RAB25: variants seen among roughly 807,000 people sequenced by gnomAD.
RAB25 encodes the protein RAB25, member RAS oncogene family, also known as ras-related protein Rab-25.
RAB25 carries 23 observed loss-of-function variants against 25.2 expected under a neutral mutation model. The ratio of observed to expected loss-of-function variants is 0.91; its 90% CI spans 0.66 to 1.29. RAB25 has a LOEUF of 1.29. RAB25 is among the 50% of genes most tolerant of loss of function. The pLI, the probability that RAB25 is intolerant of heterozygous loss-of-function variation, is 0.00. For synonymous variants in RAB25, 102 were observed against 111.5 expected (o/e 0.91, Z 0.54); for missense variants, 244 against 277.3 (o/e 0.88, Z 0.85).
At position 156,070,086 on chromosome 1, in the gene RAB25, G is replaced by A. The variant is rs565431691; in HGVS notation, c.515-74G>A. ...CATGCTCAGAAGGGGCATGCAGTATGTATGGGGGGGTTGGGGAGAAGGGAG... is the reference window on the plus strand; with the variant it reads ...CATGCTCAGAAGGGGCATGCAGTATATATGGGGGGGTTGGGGAGAAGGGAG... On this transcript the variant is annotated intron_variant, in intron 4 of 4. Coordinates refer to ENST00000361084, the MANE Select transcript of RAB25 (RefSeq NM_020387.4). The A allele has an allele frequency of 2.7e-4, 434 of 1,610,712 alleles. 3 individuals carry two copies. The African/African-American group carries it at 4.6e-3, about 17-fold the overall frequency.
chr1:156,061,566 C>G lies in RAB25; in HGVS notation c.43+123C>G, dbSNP rs944131479. On this transcript the variant is annotated intron_variant, in intron 1 of 4. Transcript: ENST00000361084. ...CAAGACCTCCTGGGGCTCCTCATTC[C>G]TTCAGAAAGAAAGCTGCAGGGAGTG... 4 of 1,048,918 alleles carry G rather than the reference C, an allele frequency of 3.8e-6. No homozygotes were observed. The African/African-American group carries it at 4.8e-5, about 13-fold the overall frequency. The allele number at this position is 1,048,918 out of a possible 1,614,324, so 65.0% of individuals were successfully genotyped here.
chr1:156,070,263 G>A lies in RAB25; in HGVS notation c.618G>A (p.Lys206=), dbSNP rs1271531296. The A allele has an allele frequency of 6.2e-7, 1 of 1,614,036 alleles. No individual in the cohort carries two copies. The highest frequency in any genetic ancestry group is 8.5e-7 in the Non-Finnish European group (1 of 1,179,984). The change falls in exon 5 of 5, where the codon AAG becomes AAA. Residue 206 remains lysine, a synonymous_variant. Coordinates refer to ENST00000361084, the MANE Select transcript of RAB25 (RefSeq NM_020387.4). ...GACAGGAGCCTGGCCCTGGGGAGAA[G>A]AGGGCCTGTTGCATCAGCCTCTGAC... The part of the protein sequence containing the change: ...QAGQEPGPGE[K]RACCISL
At position 156,063,077 on chromosome 1, in the gene RAB25, G is replaced by A. The variant is rs139952263; in HGVS notation, c.43+1634G>A. Among the ~76,000 whole-genome samples the A allele has an allele frequency of 6.5e-3, 911 of 139,460 alleles. 5 individuals carry two copies. The highest frequency in any genetic ancestry group is 0.01 in the Non-Finnish European group (675 of 64,716). 91.5% of individuals were successfully genotyped at this position (139,460 alleles called of 152,430 possible). On this transcript the variant is annotated intron_variant, in intron 1 of 4. Transcript: ENST00000361084. Reference sequence around the variant, plus strand: ...TAAAAAAAAAAAAAAAAAAAAAAAAGTATTGAGGGTTGGGTTGGGGTCCCT... The same window carrying A: ...TAAAAAAAAAAAAAAAAAAAAAAAAATATTGAGGGTTGGGTTGGGGTCCCT...
chr1:156,063,452 A>G (rs1457928707), intron 1 of RAB25, among the ~76,000 whole-genome samples: 1 of 152,166 alleles, frequency 6.6e-6, no homozygotes, highest in Non-Finnish European at 1.5e-5. Context: ...CGCCCAGCTC[A>G]ATGTTTTTTT....
Position 156,061,329 on chromosome 1 carries a change from G to C in RAB25, c.-72G>C. 1 of 1,459,438 alleles carries C rather than the reference G, an allele frequency of 6.9e-7. No homozygotes were observed. The highest frequency in any genetic ancestry group is 9.6e-7 in the Non-Finnish European group (1 of 1,040,016). The allele number at this position is 1,459,438 out of a possible 1,614,324, so 90.4% of individuals were successfully genotyped here. A position where few individuals can be genotyped will look rare whatever the true frequency, so the allele number is the denominator to read the frequency against. ...AGATCTTTTGAGAGCTGAGGGTTGA[G>C]GGCATTGAGCCAACACACAGATTTG... On this transcript the variant is annotated 5_prime_UTR_variant, in exon 1 of 5. Transcript: ENST00000361084.
intron 4 of RAB25, 87 bp downstream of exon 4, chr1:156,069,838 C>A: frequency 8.2e-7 from 1 of 1,224,768 alleles, no homozygotes; most frequent in Non-Finnish European, 1.2e-6. Flanking sequence ...CAGCCCTCAC[C>A]CCAGCTAATT....
intron 2 of RAB25, 54 bp from the exon 3 acceptor site, chr1:156,068,216 C>T (rs528735400): frequency 1.4e-6 from 2 of 1,463,532 alleles, no homozygotes; most frequent in South Asian, 1.2e-5. Flanking sequence ...TGCTCTGATG[C>T]TGGGTCCAAT....
chr1:156,068,888 C>T (rs954311517), intron 3 of RAB25, among the ~76,000 whole-genome samples: 5 of 151,432 alleles, frequency 3.3e-5, no homozygotes, highest in African/African-American at 1.2e-4. Context: ...GGGGTTTCAT[C>T]GTGTTGACCA....
At chr1:156,062,728 G>A (rs1647618928) in intron 1 of RAB25, among the ~76,000 whole-genome samples, 1 of 152,116 alleles carries the variant, frequency 6.6e-6, no homozygotes, top group African/African-American at 2.4e-5. Context: ...GCCAGACTGG[G>A]TTCAGATCTC....
At position 156,067,674 on chromosome 1, in the gene RAB25, G is replaced by A. The variant is rs1249022280; in HGVS notation, c.240-596G>A. Among the ~76,000 whole-genome samples, 3 of 152,368 alleles carry A rather than the reference G, an allele frequency of 2.0e-5. No homozygotes were observed. The South Asian group carries it at 6.2e-4, about 32-fold the overall frequency. ...GGTGGAGAGTAGGGGCTAAAATCAG[G>A]ACGAGAACCTGAGAAAGTAGAGGGG... On this transcript the variant is annotated intron_variant, in intron 2 of 4. Coordinates refer to ENST00000361084, the MANE Select transcript of RAB25 (RefSeq NM_020387.4).
intron 1 of RAB25, 81 bp downstream of exon 1, chr1:156,061,524 G>GT (rs931550311): frequency 2.8e-5 from 41 of 1,449,110 alleles, no homozygotes; most frequent in East Asian, 1.6e-4. Flanking sequence ...GCCCCCTCCT[G>GT]TTTTTTTATC....
chr1:156,061,414 C>G lies in RAB25; in HGVS notation c.14C>G (p.Thr5Ser). The change falls in exon 1 of 5, where the codon ACT becomes AGT. Residue 5 changes from threonine (T) to serine (S), a missense_variant. Thr to Ser is a moderately conservative substitution (Grantham distance 58, BLOSUM62 1). Coordinates refer to ENST00000361084, the MANE Select transcript of RAB25 (RefSeq NM_020387.4). ...TGCGGAGCCAAGATGGGGAATGGAACTGAGGAAGATTATAACTTTGTCTTC... is the reference window on the plus strand; with the variant it reads ...TGCGGAGCCAAGATGGGGAATGGAAGTGAGGAAGATTATAACTTTGTCTTC... MGNGTEEDYNFVFKV... is the reference protein window; with the variant it reads MGNGSEEDYNFVFKV... 6.2e-7 allele frequency: 1 copy of G among 1,614,066 alleles called. No homozygotes were observed. Among genetic ancestry groups the G allele is most frequent in the Non-Finnish European group, 8.5e-7 (1 of 1,179,972 alleles).
chr1:156,061,387 C>T lies in RAB25; in HGVS notation c.-14C>T. The T allele has an allele frequency of 6.2e-7, 1 of 1,613,956 alleles. No homozygotes were observed. Among genetic ancestry groups the T allele is most frequent in the Non-Finnish European group, 8.5e-7 (1 of 1,179,856 alleles). On this transcript the variant is annotated 5_prime_UTR_variant, in exon 1 of 5. Transcript: ENST00000361084. Reference sequence around the variant, plus strand: ...TGTCCCCGAAGACACCTGCACCCTCCATGCGGAGCCAAGATGGGGAATGGA... The same window carrying T: ...TGTCCCCGAAGACACCTGCACCCTCTATGCGGAGCCAAGATGGGGAATGGA...
chr1:156,069,493 T>C (rs1647843008), intron 3 of RAB25, among the ~76,000 whole-genome samples, 178 bp from the exon 4 acceptor site: 1 of 152,204 alleles, frequency 6.6e-6, no homozygotes, highest in Non-Finnish European at 1.5e-5. Flanking sequence ...ATTTGTTTTC[T>C]TTGTGTTTCT....
At position 156,061,361 on chromosome 1, in the gene RAB25, C is replaced by G; in HGVS notation, c.-40C>G. 1 of 1,608,320 alleles carries G rather than the reference C, an allele frequency of 6.2e-7. No homozygotes were observed. The highest frequency in any genetic ancestry group is 8.5e-7 in the Non-Finnish European group (1 of 1,174,844). ...GAGCCAACACACAGATTTGTCGCCT[C>G]TGTCCCCGAAGACACCTGCACCCTC... On this transcript the variant is annotated 5_prime_UTR_variant, in exon 1 of 5. Transcript: ENST00000361084.
At position 156,063,210 on chromosome 1, in the gene RAB25, A is replaced by G. The variant is rs193131615; in HGVS notation, c.43+1767A>G. 1.9e-4 allele frequency among the ~76,000 whole-genome samples: 29 copies of G among 151,452 alleles called. No homozygotes were observed. In the East Asian group the frequency reaches 5.6e-3, roughly 29 times the overall value. ...GAGTGCAGTGGAGCGATCTTGGCTC[A>G]CTGCAATCTCCGCCTTCCTACAACC... On this transcript the variant is annotated intron_variant, in intron 1 of 4. Coordinates refer to ENST00000361084, the MANE Select transcript of RAB25 (RefSeq NM_020387.4).
At chr1:156,062,031 C>T (rs1450130214) in intron 1 of RAB25, among the ~76,000 whole-genome samples, 4 of 152,300 alleles carry the variant, frequency 2.6e-5, no homozygotes, top group Non-Finnish European at 2.9e-5. Context: ...CCGCCTACCT[C>T]GGCCTCCCAA....
chr1:156,066,219 G>A, intron 2 of RAB25, 113 bp downstream of exon 2: 4 of 893,328 alleles, frequency 4.5e-6, no homozygotes, highest in Non-Finnish European at 6.4e-6. Flanking sequence ...AGTGGGCTCT[G>A]GGGGGTGGGG....
Position 156,061,369 on chromosome 1 carries a change from G to T in RAB25, c.-32G>T. The T allele has an allele frequency of 6.2e-7, 1 of 1,612,860 alleles. No homozygotes were observed. Among genetic ancestry groups the T allele is most frequent in the Non-Finnish European group, 8.5e-7 (1 of 1,178,970 alleles). On this transcript the variant is annotated 5_prime_UTR_variant, in exon 1 of 5. Coordinates refer to ENST00000361084, the MANE Select transcript of RAB25 (RefSeq NM_020387.4). ...ACACAGATTTGTCGCCTCTGTCCCC[G>T]AAGACACCTGCACCCTCCATGCGGA...
Sources: allele counts gnomAD v4.1 joint callset (sites outside exome capture counted in the v4.1 genomes callset), GRCh38; gene constraint gnomAD v4.1.1; transcripts MANE v1.5; gene names NCBI Gene and HGNC (gene_info 2026-07-23, HGNC 2026-07-21).